TMTC2: variants seen among roughly 807,000 people sequenced by gnomAD.
TMTC2 encodes the protein transmembrane O-mannosyltransferase targeting cadherins 2.
In TMTC2, 43 loss-of-function variants were observed where a neutral mutation model predicts 82.4. The observed-to-expected ratio is 0.52, with a 90% CI of 0.41 to 0.67. TMTC2 has a LOEUF of 0.67. Ranked by LOEUF, TMTC2 falls within the 30% of genes least tolerant of loss-of-function variation. The probability of loss-of-function intolerance (pLI) is 0.00; values close to 1 mark genes in which losing one functional copy is unlikely to be tolerated. For missense variants in TMTC2, 919 were observed against 1,012.4 expected (o/e 0.91, Z 1.25); for synonymous variants, 408 against 381.9 (o/e 1.07, Z -0.80).
intron 1 of TMTC2, among the ~76,000 whole-genome samples, chr12:82,799,358 C>T (rs1032825718): frequency 2.6e-5 from 4 of 152,152 alleles, no homozygotes; most frequent in South Asian, 4.2e-4. Flanking sequence ...GTGAGCTTCG[C>T]ATATTAAGGA....
chr12:82,884,954 C>T (rs1224682592), intron 2 of TMTC2, among the ~76,000 whole-genome samples: 1 of 152,068 alleles, frequency 6.6e-6, no homozygotes, highest in African/African-American at 2.4e-5. Context: ...AGTGTAGTTG[C>T]ACAATCACAG....
intron 9 of TMTC2, among the ~76,000 whole-genome samples, chr12:83,031,999 T>C (rs1881447739): frequency 6.6e-6 from 1 of 152,034 alleles, no homozygotes; most frequent in African/African-American, 2.4e-5. Context: ...CTGCAGAATT[T>C]ATTTTTATTT....
intron 8 of TMTC2, 125 bp from the exon 9 acceptor site, chr12:83,030,673 A>G (rs1442837374): frequency 2.9e-6 from 2 of 684,040 alleles, no homozygotes; most frequent in East Asian, 2.7e-5. Context: ...GATAAAAACA[A>G]AAATTTTTTT....
intron 1 of TMTC2, among the ~76,000 whole-genome samples, chr12:82,766,080 TA>T (rs1876945300): frequency 6.6e-6 from 1 of 152,188 alleles, no homozygotes; most frequent in African/African-American, 2.4e-5. Context: ...GTTTCACAGT[TA>T]AAAGACTGCT....
chr12:82,712,147 C>T (rs115313846), intron 1 of TMTC2, among the ~76,000 whole-genome samples: 1,917 of 152,224 alleles, frequency 0.013, 39 homozygotes, highest in African/African-American at 0.043. Context: ...GAAGAGCCAC[C>T]TTGGCTGGGT....
At chr12:82,805,497 C>CTTTTTTTTT (rs753878105) in intron 1 of TMTC2, among the ~76,000 whole-genome samples, 1 of 90,564 alleles carries the variant, frequency 1.1e-5, no homozygotes, top group Non-Finnish European at 2.0e-5. Context: ...CCTCTCCCCA[C>CTTTTTTTTT]TTTTTTTTTT....
intron 3 of TMTC2, among the ~76,000 whole-genome samples, chr12:82,901,454 A>C (rs1265510231): frequency 1.3e-5 from 2 of 150,986 alleles, no homozygotes; most frequent in African/African-American, 4.9e-5. Context: ...ACAGGCATGC[A>C]CCACCAAGCC....
At chr12:82,830,148 G>A (rs1225184516) in intron 1 of TMTC2, among the ~76,000 whole-genome samples, 1 of 152,038 alleles carries the variant, frequency 6.6e-6, no homozygotes, top group African/African-American at 2.4e-5. Flanking sequence ...TTTTCTTTAA[G>A]GGGAATTTGT....
chr12:83,071,108 A>T (rs560467574), intron 11 of TMTC2, among the ~76,000 whole-genome samples: 2 of 149,822 alleles, frequency 1.3e-5, no homozygotes, highest in East Asian at 3.9e-4. Flanking sequence ...TTTGTTAAAG[A>T]TTTTAATATC....
In TMTC2 at chr12:82,937,708, G is replaced by GTC. The variant is rs1214666311; in HGVS notation, c.1598+7164_1598+7165insCT. Among the ~76,000 whole-genome samples the GTC allele has an allele frequency of 3.8e-3, 161 of 42,192 alleles. 2 individuals carry two copies. Among genetic ancestry groups the GTC allele is most frequent in the African/African-American group, 7.3e-3 (157 of 21,642 alleles). The allele number at this position is 42,192 out of a possible 152,430, so 27.7% of individuals were successfully genotyped here. Reference sequence around the variant, plus strand: ...TTTTGAACAAATGTCAATGGTGTGTGTGTGTGTGTGTGTGTGTGTGGATGT... The same window carrying GTC: ...TTTTGAACAAATGTCAATGGTGTGTGTCTGTGTGTGTGTGTGTGTGTGGATGT... On this transcript the variant is annotated intron_variant, in intron 4 of 11. Transcript: ENST00000321196.
chr12:82,780,329 A>T (rs987749578), intron 1 of TMTC2, among the ~76,000 whole-genome samples: 2 of 152,162 alleles, frequency 1.3e-5, no homozygotes, highest in African/African-American at 4.8e-5. Context: ...AAATAGAAAT[A>T]GCATACTTTA....
intron 8 of TMTC2, among the ~76,000 whole-genome samples, chr12:83,017,906 T>C (rs553303875): frequency 6.7e-6 from 1 of 150,304 alleles, no homozygotes; most frequent in South Asian, 2.1e-4. Context: ...GTTTCAGTTA[T>C]TAAATCCAAT....
chr12:83,025,759 G>C (rs10862559), intron 8 of TMTC2, among the ~76,000 whole-genome samples: 89,949 of 151,998 alleles, frequency 0.59, 27,144 homozygotes, highest in South Asian at 0.73. Context: ...CCTGGGTCCA[G>C]TTTGCTAGTG....
At chr12:82,833,942 G>A (rs1372869484) in intron 1 of TMTC2, among the ~76,000 whole-genome samples, 2 of 152,138 alleles carry the variant, frequency 1.3e-5, no homozygotes, top group Non-Finnish European at 2.9e-5. Context: ...TCAAAACTTA[G>A]AGATCTGAGA....
chr12:82,829,252 A>G (rs1297186396), intron 1 of TMTC2, among the ~76,000 whole-genome samples: 1 of 152,198 alleles, frequency 6.6e-6, no homozygotes, highest in Non-Finnish European at 1.5e-5. Context: ...AACTAAACCT[A>G]CTTCCTAGTG....
In TMTC2 at chr12:82,896,076, G is replaced by C; in HGVS notation, c.913G>C (p.Val305Leu). Residue 305 changes from valine to leucine, a missense_variant, in exon 3 of 12, where the codon GTT becomes CTT. Physicochemically the swap from Val to Leu is conservative, Grantham distance 32. Coordinates refer to ENST00000321196, the MANE Select transcript of TMTC2 (RefSeq NM_152588.3). ...GGATGCTGTGCCTCTGCTCAAAACA[G>C]TTTGTGACTGGAGAAACCTACACAC... ...SMDAVPLLKT[V>L]CDWRNLHTVA... 6.2e-7 allele frequency: 1 copy of C among 1,613,972 alleles called. No individual in the cohort carries two copies.
intron 10 of TMTC2, among the ~76,000 whole-genome samples, chr12:83,059,404 C>T (rs1034957212): frequency 2.6e-5 from 4 of 151,670 alleles, no homozygotes; most frequent in Non-Finnish European, 5.9e-5. Flanking sequence ...ATGAGCATTC[C>T]GTGGGTACAA....
chr12:82,719,739 T>G (rs1029763564), intron 1 of TMTC2, among the ~76,000 whole-genome samples: 2 of 146,260 alleles, frequency 1.4e-5, no homozygotes, highest in Non-Finnish European at 3.0e-5. Context: ...CCAAGTAACC[T>G]TGGATACATC....
chr12:82,690,548 A>G (rs1016750456), intron 1 of TMTC2: 1 of 297,364 alleles, frequency 3.4e-6, no homozygotes, highest in African/African-American at 2.3e-5. Flanking sequence ...AAACTTTCTT[A>G]TAGCACAATC....
Sources: allele counts gnomAD v4.1 joint callset (sites outside exome capture counted in the v4.1 genomes callset), GRCh38; gene constraint gnomAD v4.1.1; transcripts MANE v1.5; gene names NCBI Gene and HGNC (gene_info 2026-07-23, HGNC 2026-07-21).